RNF125: variants seen among roughly 807,000 people sequenced by gnomAD.
RNF125 encodes E3 ubiquitin-protein ligase RNF125.
In RNF125, 21 loss-of-function variants were observed where a neutral mutation model predicts 26.0. The observed-to-expected ratio is 0.81, with a 90% CI of 0.57 to 1.16. The LOEUF (loss-of-function observed/expected upper bound fraction) is 1.16, where lower values mean the gene tolerates loss of function less well. Ranked by LOEUF, RNF125 falls within the 50% of genes most tolerant of loss-of-function variation. The pLI, the probability that RNF125 is intolerant of heterozygous loss-of-function variation, is 0.00. For missense variants in RNF125, 270 were observed against 299.4 expected (o/e 0.90, Z 0.72); for synonymous variants, 95 against 109.2 (o/e 0.87, Z 0.81).
At chr18:32,026,242 C>CTTTTTTTTTTTTTTTTTT (rs1181390375) in intron 1 of RNF125, among the ~76,000 whole-genome samples, 1 of 73,144 alleles carries the variant, frequency 1.4e-5, no homozygotes, top group African/African-American at 6.5e-5. Flanking sequence ...AGCACCCGGT[C>CTTTTTTTTTTTTTTTTTT]TTTTTTTTTT....
chr18:32,033,192 G>T (rs534478320), intron 1 of RNF125, among the ~76,000 whole-genome samples: 2 of 152,122 alleles, frequency 1.3e-5, no homozygotes, highest in African/African-American at 4.8e-5. Flanking sequence ...AGATGGAAAG[G>T]GAGAAGAGGA....
chr18:32,080,217 C>T, the RNF125 span, among the ~76,000 whole-genome samples: 24 of 152,196 alleles, frequency 1.6e-4, no homozygotes, highest in East Asian at 4.5e-3. Flanking sequence ...TTAGTAGAGA[C>T]AGGGTTTCAC....
At position 32,072,377 on chromosome 18, in the gene RNF125, CTT is replaced by C. The variant is rs1452255618; in HGVS notation, c.*3996_*3997del. ...CATTGGTGTTGACCATGCAGACAAACTTTTGTTAATTCAGAGCGATACAAAAG... is the reference window on the plus strand; with the variant it reads ...CATTGGTGTTGACCATGCAGACAAACTTGTTAATTCAGAGCGATACAAAAG... On this transcript the variant is annotated 3_prime_UTR_variant, in exon 6 of 6. Transcript: ENST00000217740. 2.0e-5 allele frequency: 3 copies of C among 152,158 alleles called. No homozygotes were observed. Among genetic ancestry groups the C allele is most frequent in the Non-Finnish European group, 4.4e-5 (3 of 68,020 alleles). The allele number at this position is 152,158 out of a possible 1,614,324, so 9.4% of individuals were successfully genotyped here.
rs531751585 is a variant in RNF125 at position 32,050,865 on chromosome 18, C to CTTTTTTTTTTTTTTT, written c.504+5153_504+5167dup. On this transcript the variant is annotated intron_variant, in intron 4 of 5. Coordinates refer to ENST00000217740, the MANE Select transcript of RNF125 (RefSeq NM_017831.4). ...CCAGCTAGTCTCTCGGTCTAGAGTG[C>CTTTTTTTTTTTTTTT]TTTTTTTTTTTTTTTTTTTTTTTTT... is the stretch of plus-strand genomic sequence containing the variant. 2.4e-4 allele frequency among the ~76,000 whole-genome samples: 11 copies of CTTTTTTTTTTTTTTT among 46,328 alleles called. 3 individuals carry two copies. The highest frequency in any genetic ancestry group is 3.1e-4 in the Non-Finnish European group (8 of 25,616). The allele number at this position is 46,328 out of a possible 152,430, so 30.4% of individuals were successfully genotyped here. A position where few individuals can be genotyped will look rare whatever the true frequency, so the allele number is the denominator to read the frequency against.
At chr18:32,045,324 C>T (rs184174804) in intron 3 of RNF125, among the ~76,000 whole-genome samples, 44 of 151,928 alleles carry the variant, frequency 2.9e-4, no homozygotes, top group Middle Eastern at 6.8e-3. Flanking sequence ...TTTGGGAGGC[C>T]GAGGTGGGTG....
At chr18:32,023,380 T>G (rs2039003579) in intron 1 of RNF125, among the ~76,000 whole-genome samples, 1 of 152,152 alleles carries the variant, frequency 6.6e-6, no homozygotes, top group South Asian at 2.1e-4. Flanking sequence ...CTTGAACCCC[T>G]GAGCTCAGGT....
chr18:32,080,276 A>T, the RNF125 span, among the ~76,000 whole-genome samples: 1 of 152,114 alleles, frequency 6.6e-6, no homozygotes, highest in Non-Finnish European at 1.5e-5. Context: ...TGATCTGCCC[A>T]CCTCGGCCTC....
Position 32,042,216 on chromosome 18 carries a change from G to A in RNF125, c.356G>A (p.Cys119Tyr). Reference protein sequence around the residue: ...LSEMRAHIRTCQKYIDKYGPL... With the variant: ...LSEMRAHIRTYQKYIDKYGPL... ...GAAATGAGGGCACATATTCGGACTT[G>A]TCAGAAGTACATAGATAAGTATGGA... Residue 119 changes from cysteine (C) to tyrosine (Y), a missense_variant, in exon 3 of 6, where the codon TGT becomes TAT. Transcript: ENST00000217740. 6.2e-7 allele frequency: 1 copy of A among 1,613,674 alleles called. No individual in the cohort carries two copies. Among genetic ancestry groups the A allele is most frequent in the Non-Finnish European group, 8.5e-7 (1 of 1,179,794 alleles).
chr18:32,027,324 A>G (rs1325037051), intron 1 of RNF125, among the ~76,000 whole-genome samples: 2 of 151,646 alleles, frequency 1.3e-5, no homozygotes, highest in Non-Finnish European at 2.9e-5. Flanking sequence ...TCTGATTTCT[A>G]CTTTTCAAAA....
intron 4 of RNF125, among the ~76,000 whole-genome samples, chr18:32,059,736 G>T (rs2039417823): frequency 6.6e-6 from 1 of 151,998 alleles, no homozygotes; most frequent in African/African-American, 2.4e-5. Context: ...TCTTTTAGTA[G>T]TTTCATAGTT....
chr18:32,089,721 G>A, the RNF125 span, among the ~76,000 whole-genome samples: 84 of 152,210 alleles, frequency 5.5e-4, no homozygotes, highest in African/African-American at 1.8e-3. Context: ...ATATGCTTAC[G>A]TGTATACCGA....
chr18:32,077,062 T>C (rs1379703720), downstream of RNF125, among the ~76,000 whole-genome samples: 1 of 152,228 alleles, frequency 6.6e-6, no homozygotes, highest in Non-Finnish European at 1.5e-5. Context: ...ATTGCAAGTA[T>C]TCACCACTAA....
chr18:32,085,417 A>AGAGAGAGAG, the RNF125 span, among the ~76,000 whole-genome samples: 1 of 101,640 alleles, frequency 9.8e-6, no homozygotes, highest in African/African-American at 4.1e-5. Context: ...GAGAGAGAGA[A>AGAGAGAGAG]AGCTGGGTGA....
chr18:32,037,364 CTTTTTTTT>C (rs796828237), intron 2 of RNF125, 95 bp downstream of exon 2: 25 of 132,842 alleles, frequency 1.9e-4, no homozygotes, highest in South Asian at 3.6e-4. Flanking sequence ...TGGTACGCAC[CTTTTTTTT>C]TTTTTTTTTT....
Position 32,041,846 on chromosome 18 carries a change from G to A in RNF125, c.319-333G>A, listed in dbSNP as rs1302858209. ...GGGGTTTCACCGTGTTAGCCGGGAT[G>A]GTCTCGATCTCCTGACCTCGTGATC... On this transcript the variant is annotated intron_variant, in intron 2 of 5. Transcript: ENST00000217740. 7 of 176,712 alleles carry A rather than the reference G, an allele frequency of 4.0e-5. 1 individual carries two copies. The East Asian group carries it at 1.2e-3, about 30-fold the overall frequency. The allele number at this position is 176,712 out of a possible 1,614,324, so 10.9% of individuals were successfully genotyped here.
intron 1 of RNF125, among the ~76,000 whole-genome samples, chr18:32,031,512 A>AAAAG: frequency 6.8e-6 from 1 of 146,852 alleles, no homozygotes; most frequent in African/African-American, 2.5e-5. Context: ...AAAAAAAAAA[A>AAAAG]GGGAAAACTG....
chr18:32,078,193 C>A (rs919783146), downstream of RNF125, among the ~76,000 whole-genome samples: 3 of 152,120 alleles, frequency 2.0e-5, no homozygotes, highest in South Asian at 6.2e-4. Flanking sequence ...CTGGTGATAG[C>A]GGTATAACTT....
At chr18:32,053,822 A>G (rs1347606668) in intron 4 of RNF125, among the ~76,000 whole-genome samples, 1 of 152,042 alleles carries the variant, frequency 6.6e-6, no homozygotes, top group Admixed American at 6.6e-5. Context: ...ATGATCTGTC[A>G]GTAATATTGC....
intron 2 of RNF125, among the ~76,000 whole-genome samples, chr18:32,039,357 C>A (rs1052026792): frequency 2.0e-5 from 3 of 151,990 alleles, no homozygotes; most frequent in Admixed American, 6.6e-5. Flanking sequence ...GATCGTGCCA[C>A]TGCACTCCAG....
Sources: allele counts gnomAD v4.1 joint callset (sites outside exome capture counted in the v4.1 genomes callset), GRCh38; gene constraint gnomAD v4.1.1; transcripts MANE v1.5; gene names NCBI Gene and HGNC (gene_info 2026-07-23, HGNC 2026-07-21).